Variants in VAT1L observed in about 807,000 individuals in gnomAD.
VAT1L encodes putative NADPH-dependent quinone oxidoreductase VAT1L.
VAT1L carries 34 observed loss-of-function variants against 44.1 expected under a neutral mutation model. The observed-to-expected ratio is 0.77, with a 90% confidence interval of 0.59 to 1.03. The LOEUF (loss-of-function observed/expected upper bound fraction) is 1.03. Ranked by LOEUF, VAT1L falls within the 50% of genes least tolerant of loss-of-function variation. VAT1L has a pLI of 0.00. For synonymous variants in VAT1L, 253 were observed against 202.2 expected (o/e 1.25, Z -2.13); for missense variants, 615 against 538.8 (o/e 1.14, Z -1.40).
At chr16:77,858,522 G>A (rs191154508) in intron 3 of VAT1L, among the ~76,000 whole-genome samples, 3 of 152,292 alleles carry the variant, frequency 2.0e-5, no homozygotes, top group East Asian at 1.9e-4. Context: ...ATTATATCAC[G>A]TAATCTCACA....
At chr16:77,934,246 A>AC (rs2017766243) in intron 7 of VAT1L, among the ~76,000 whole-genome samples, 1 of 150,610 alleles carries the variant, frequency 6.6e-6, no homozygotes. Context: ...ATCATGAAAA[A>AC]CCCCTAGGTT....
intron 7 of VAT1L, among the ~76,000 whole-genome samples, chr16:77,969,715 G>A (rs2018258577): frequency 6.6e-6 from 1 of 152,026 alleles, no homozygotes; most frequent in African/African-American, 2.4e-5. Context: ...TGTTCACGGG[G>A]AGGGGATGAG....
intron 1 of VAT1L, among the ~76,000 whole-genome samples, chr16:77,791,237 C>T (rs1027179228): frequency 2.0e-5 from 3 of 152,238 alleles, no homozygotes; most frequent in Admixed American, 1.3e-4. Context: ...ATGAATCAGC[C>T]GATGGCTTCC....
chr16:77,875,185 G>A (rs2017075307), intron 4 of VAT1L, among the ~76,000 whole-genome samples: 1 of 152,156 alleles, frequency 6.6e-6, no homozygotes, highest in Non-Finnish European at 1.5e-5. Context: ...TTGGTAGTGG[G>A]CTGGATTTTG....
intron 7 of VAT1L, among the ~76,000 whole-genome samples, chr16:77,901,808 C>A (rs2017386761): frequency 6.6e-6 from 1 of 152,274 alleles, no homozygotes; most frequent in East Asian, 1.9e-4. Context: ...AATAATCTAA[C>A]CAATGTCCAG....
chr16:77,935,123 T>A (rs1287267206), intron 7 of VAT1L, among the ~76,000 whole-genome samples: 1 of 152,170 alleles, frequency 6.6e-6, no homozygotes, highest in South Asian at 2.1e-4. Flanking sequence ...GGTCTGGACT[T>A]TCTATTGAAA....
chr16:77,789,287 A>G (rs1186874849), intron 1 of VAT1L, among the ~76,000 whole-genome samples: 2 of 152,148 alleles, frequency 1.3e-5, no homozygotes, highest in Non-Finnish European at 2.9e-5. Flanking sequence ...AAGAACCGCA[A>G]GCCCACTGTG....
At chr16:77,864,050 A>G (rs1163231128) in intron 4 of VAT1L, among the ~76,000 whole-genome samples, 1 of 152,152 alleles carries the variant, frequency 6.6e-6, no homozygotes, top group Non-Finnish European at 1.5e-5. Context: ...TTCTGAAGTT[A>G]TTGATCATGG....
At chr16:77,956,689 G>C (rs921351322) in intron 7 of VAT1L, among the ~76,000 whole-genome samples, 1 of 152,104 alleles carries the variant, frequency 6.6e-6, no homozygotes, top group Non-Finnish European at 1.5e-5. Context: ...ATCCTTCCTC[G>C]TGGGAGGATC....
chr16:77,850,217 G>A (rs975109963), intron 3 of VAT1L, among the ~76,000 whole-genome samples: 3 of 152,174 alleles, frequency 2.0e-5, no homozygotes, highest in African/African-American at 4.8e-5. Context: ...TAGGGGACAT[G>A]AGCTTACATC....
chr16:77,958,337 C>A (rs1449364392), intron 7 of VAT1L, among the ~76,000 whole-genome samples: 1 of 152,142 alleles, frequency 6.6e-6, no homozygotes, highest in African/African-American at 2.4e-5. Context: ...CTTCTGTGCC[C>A]ATCACACCTC....
At chr16:77,855,175 A>C (rs932042351) in intron 3 of VAT1L, among the ~76,000 whole-genome samples, 1 of 152,062 alleles carries the variant, frequency 6.6e-6, no homozygotes, top group Non-Finnish European at 1.5e-5. Context: ...CTCCGTCTCT[A>C]CTAAAAATAC....
At chr16:77,885,250 G>A (rs1324599135) in intron 7 of VAT1L, among the ~76,000 whole-genome samples, 1 of 152,200 alleles carries the variant, frequency 6.6e-6, no homozygotes, top group Non-Finnish European at 1.5e-5. Context: ...ATGGACTTTG[G>A]AATTACTGCT....
chr16:77,959,681 T>C (rs1221905997), intron 7 of VAT1L, among the ~76,000 whole-genome samples: 1 of 152,210 alleles, frequency 6.6e-6, no homozygotes, highest in Non-Finnish European at 1.5e-5. Context: ...TTTGTGCCTT[T>C]CACACCATTA....
intron 7 of VAT1L, among the ~76,000 whole-genome samples, chr16:77,899,520 T>G (rs909054137): frequency 2.0e-5 from 3 of 152,268 alleles, no homozygotes; most frequent in African/African-American, 7.2e-5. Flanking sequence ...GTAAACTGCA[T>G]GCTGTGTATG....
At chr16:77,927,196 G>T (rs2017679154) in intron 7 of VAT1L, among the ~76,000 whole-genome samples, 2 of 151,964 alleles carry the variant, frequency 1.3e-5, no homozygotes, top group African/African-American at 4.8e-5. Flanking sequence ...AAATTAGCCA[G>T]GTGTGGTGGC....
chr16:77,924,704 C>T (rs953117370), intron 7 of VAT1L, among the ~76,000 whole-genome samples: 2 of 152,324 alleles, frequency 1.3e-5, no homozygotes, highest in East Asian at 1.9e-4. Flanking sequence ...AGTGATCTGC[C>T]TGCCTTGGCC....
rs770254820 is a variant in VAT1L at position 77,884,607 on chromosome 16, G to C, written c.883-1G>C. 8 of 1,612,672 alleles carry C rather than the reference G, an allele frequency of 5.0e-6. No homozygotes were observed. The highest frequency in any genetic ancestry group is 6.8e-6 in the Non-Finnish European group (8 of 1,179,600). On this transcript the variant is annotated splice_acceptor_variant, in intron 6 of 8. Transcript: ENST00000302536. LOFTEE classifies it high-confidence loss of function. This position sits in a 1 kb window ranked among gnomAD's most constrained non-coding sequence, Gnocchi z 4.5. ...TAACCCAATACCACCTCTCTTTGCA[G>C]TGGTGGCAGGTGGAGAAGGTGAACC...
intron 3 of VAT1L, among the ~76,000 whole-genome samples, chr16:77,858,008 A>C (rs1022271685): frequency 6.6e-6 from 1 of 151,772 alleles, no homozygotes; most frequent in Admixed American, 6.6e-5. Flanking sequence ...CATACACTCA[A>C]CTCCTCCAGT....
Sources: allele counts gnomAD v4.1 joint callset (sites outside exome capture counted in the v4.1 genomes callset), GRCh38; gene constraint gnomAD v4.1.1; non-coding constraint Gnocchi (gnomAD v3.1); transcripts MANE v1.5; gene names NCBI Gene and HGNC (gene_info 2026-07-23, HGNC 2026-07-21).